The following OSBPL5 variants were observed in gnomAD, a reference collection of about 807,000 sequenced individuals.
OSBPL5 encodes oxysterol-binding protein-related protein 5.
OSBPL5 carries 71 observed loss-of-function variants against 111.2 expected under a neutral mutation model. The ratio of observed to expected loss-of-function variants is 0.64; its 90% confidence interval spans 0.53 to 0.78. The LOEUF is 0.78. OSBPL5 is among the 30% of genes least tolerant of loss of function. The pLI is 0.00. For synonymous variants in OSBPL5, 549 were observed against 513.9 expected (o/e 1.07, Z -0.93); for missense variants, 1,210 against 1,189.3 (o/e 1.02, Z -0.26).
chr11:3,103,052 A>C (rs905572581), intron 11 of OSBPL5, among the ~76,000 whole-genome samples, 187 bp downstream of exon 11: 1 of 152,114 alleles, frequency 6.6e-6, no homozygotes, highest in African/African-American at 2.4e-5. Flanking sequence ...CAGGGCCCCA[A>C]CTGTGGGAAG....
In OSBPL5 at chr11:3,088,289, TG is replaced by T; in HGVS notation, c.2555del (p.Pro852GlnfsTer40). 1 of 1,607,206 alleles carries T rather than the reference TG, an allele frequency of 6.2e-7. No homozygotes were observed. Among genetic ancestry groups the T allele is most frequent in the Non-Finnish European group, 8.5e-7 (1 of 1,177,240 alleles). On this transcript the variant is annotated frameshift_variant, in exon 22 of 22. Transcript: ENST00000263650. LOFTEE classifies it high-confidence loss of function. ...AGGATCGGGGGCTCTGCAGGAGGCC[TG>T]GGGTCGGTGCCTGTGCTGCCCGTGC... ...STARAAQAPT[P>X]GLLQSPRSWF... is the part of the protein sequence containing the mutation.
In OSBPL5 at chr11:3,106,894, C is replaced by G. The variant is rs546679264; in HGVS notation, c.1059+369G>C. On this transcript the variant is annotated intron_variant, in intron 9 of 21. Transcript: ENST00000263650. This position sits in a 1 kb window ranked among gnomAD's most constrained non-coding sequence, Gnocchi z 8.4. ...AGCATGGGACTCAGGTCCACACGCC[C>G]TCCTCTGCGCTCCTCCAGGAAGTGG... Among the ~76,000 whole-genome samples, 1 of 152,290 alleles carries G rather than the reference C, an allele frequency of 6.6e-6. No homozygotes were observed. Among genetic ancestry groups the G allele is most frequent in the African/African-American group, 2.4e-5 (1 of 41,558 alleles).
At chr11:3,129,911 G>A (rs866928880) in intron 1 of OSBPL5, among the ~76,000 whole-genome samples, 2 of 152,234 alleles carry the variant, frequency 1.3e-5, no homozygotes, top group African/African-American at 2.4e-5. Flanking sequence ...ACACCCACCT[G>A]CCTCGCTCTC....
At chr11:3,145,513 G>A (rs1283922152) in intron 1 of OSBPL5, among the ~76,000 whole-genome samples, 1 of 152,212 alleles carries the variant, frequency 6.6e-6, no homozygotes, top group African/African-American at 2.4e-5. Context: ...GCACTCACTT[G>A]CCTGCTGTCC....
At chr11:3,128,857 C>T (rs1858727104) in intron 2 of OSBPL5, among the ~76,000 whole-genome samples, 156 bp downstream of exon 2, 1 of 152,204 alleles carries the variant, frequency 6.6e-6, no homozygotes, top group Non-Finnish European at 1.5e-5. Flanking sequence ...TTACCTGGCA[C>T]TCTACCAAGC....
intron 7 of OSBPL5, 128 bp downstream of exon 7, chr11:3,119,419 G>C (rs1276376284): frequency 2.1e-6 from 2 of 938,074 alleles, no homozygotes; most frequent in East Asian, 3.0e-5. Context: ...ATCCTGGCCA[G>C]ACTTCAGGCT....
intron 10 of OSBPL5, 31 bp from the exon 11 acceptor site, chr11:3,103,351 G>T: frequency 6.4e-7 from 1 of 1,571,274 alleles, no homozygotes. Context: ...GCTGACCCCA[G>T]CTCCGGGGGC....
intron 1 of OSBPL5, among the ~76,000 whole-genome samples, chr11:3,133,807 G>A (rs1241449556): frequency 6.6e-6 from 1 of 152,222 alleles, no homozygotes; most frequent in Non-Finnish European, 1.5e-5. Context: ...CTCCCACGGT[G>A]AGACTGTCCC....
rs1438180400 is a variant in OSBPL5 at position 3,106,296 on chromosome 11, G to C, written c.1059+967C>G. ...AATTCCCCTTTCCTGCTGAAACCGGGACTGCCCCTTGCCCTCAGTGACAGC... is the reference window on the plus strand; with the variant it reads ...AATTCCCCTTTCCTGCTGAAACCGGCACTGCCCCTTGCCCTCAGTGACAGC... On this transcript the variant is annotated intron_variant, in intron 9 of 21. Coordinates refer to ENST00000263650, the MANE Select transcript of OSBPL5 (RefSeq NM_020896.4). This position sits in a 1 kb window ranked among gnomAD's most constrained non-coding sequence, Gnocchi z 8.4. Among the ~76,000 whole-genome samples, 1 of 152,130 alleles carries C rather than the reference G, an allele frequency of 6.6e-6. No homozygotes were observed. Among genetic ancestry groups the C allele is most frequent in the East Asian group, 1.9e-4 (1 of 5,178 alleles).
Position 3,092,404 on chromosome 11 carries a change from C to T in OSBPL5, c.2259+28G>A. The T allele has an allele frequency of 3.2e-6, 5 of 1,557,434 alleles. No homozygotes were observed. Among genetic ancestry groups the T allele is most frequent in the Non-Finnish European group, 3.5e-6 (4 of 1,148,574 alleles). The stretch of plus-strand genomic sequence containing the variant: ...TGGCCACACGTGCAGCTAAGACCAG[C>T]CCTGGGTGGGGCCTGTGGGGTGCTG... On this transcript the variant is annotated intron_variant, in intron 19 of 21. Transcript: ENST00000263650. The surrounding 1 kb of genome is among the most constrained non-coding windows in gnomAD (Gnocchi z 5.4).
In OSBPL5 at chr11:3,113,991, C is replaced by T. The variant is rs1208162622; in HGVS notation, c.691+5556G>A. ...GACAATTGCAGTTTTTATAAATAATCTAGGTAAATGATTAAAATAATTAGG... is the reference window on the plus strand; with the variant it reads ...GACAATTGCAGTTTTTATAAATAATTTAGGTAAATGATTAAAATAATTAGG... On this transcript the variant is annotated intron_variant, in intron 7 of 21. Transcript: ENST00000263650. This position sits in a 1 kb window ranked among gnomAD's most constrained non-coding sequence, Gnocchi z 4.8. Among the ~76,000 whole-genome samples the T allele has an allele frequency of 6.6e-6, 1 of 152,010 alleles. No homozygotes were observed. Among genetic ancestry groups the T allele is most frequent in the Non-Finnish European group, 1.5e-5 (1 of 68,006 alleles).
chr11:3,095,810 A>C (rs549174543), intron 14 of OSBPL5, among the ~76,000 whole-genome samples: 22 of 152,348 alleles, frequency 1.4e-4, no homozygotes, highest in African/African-American at 5.1e-4. Flanking sequence ...GATTAAGTGA[A>C]AGAGGATGGA....
chr11:3,117,128 G>A (rs1590673479), intron 7 of OSBPL5, among the ~76,000 whole-genome samples: 1 of 152,156 alleles, frequency 6.6e-6, no homozygotes, highest in East Asian at 1.9e-4. Context: ...ATTTGTAACA[G>A]GACACAATCG....
intron 21 of OSBPL5, among the ~76,000 whole-genome samples, chr11:3,089,447 C>A (rs1004246957): frequency 3.3e-5 from 5 of 152,182 alleles, no homozygotes; most frequent in African/African-American, 1.2e-4. Context: ...TTGCTCCTTC[C>A]CCAGCCATTC....
intron 1 of OSBPL5, among the ~76,000 whole-genome samples, chr11:3,159,833 C>G (rs1024240701): frequency 6.6e-6 from 1 of 152,112 alleles, no homozygotes; most frequent in African/African-American, 2.4e-5. Context: ...GCTCACCCAG[C>G]GCTTGTGTAC....
rs1391828466 is a variant in OSBPL5 at position 3,122,008 on chromosome 11, C to T, written c.391G>A (p.Asp131Asn). ...CGGGCATCACCTACCTTCAGGCTGTCAGCCATGATGACCACGCTGGGGTCT... is the reference window on the plus strand; with the variant it reads ...CGGGCATCACCTACCTTCAGGCTGTTAGCCATGATGACCACGCTGGGGTCT... ...LTDPSVVIMA[D>N]SLKIRGTLKS... Residue 131 changes from aspartate to asparagine, a missense_variant, in exon 5 of 22, where the codon GAC becomes AAC. By Grantham distance (23) the Asp-to-Asn change is conservative. Transcript: ENST00000263650. The T allele has an allele frequency of 1.7e-5, 27 of 1,569,654 alleles. No homozygotes were observed. The highest frequency in any genetic ancestry group is 2.2e-5 in the Non-Finnish European group (26 of 1,161,780).
rs1856904203 is a variant in OSBPL5 at position 3,087,290 on chromosome 11, A to G, written c.*915T>C. On this transcript the variant is annotated 3_prime_UTR_variant, in exon 22 of 22. Transcript: ENST00000263650. ...AGGCTCTGTACGTATATATATGTGT[A>G]GAGGCTCACACACGCGCACACGCAC... 6.5e-6 allele frequency: 1 copy of G among 153,738 alleles called. No homozygotes were observed. Among genetic ancestry groups the G allele is most frequent in the South Asian group, 2.0e-4 (1 of 4,894 alleles). 9.5% of individuals were successfully genotyped at this position (153,738 alleles called of 1,614,324 possible). A position where few individuals can be genotyped will look rare whatever the true frequency, so the allele number is the denominator to read the frequency against.
intron 7 of OSBPL5, among the ~76,000 whole-genome samples, chr11:3,108,357 C>G (rs992603057): frequency 6.6e-6 from 1 of 152,200 alleles, no homozygotes; most frequent in Non-Finnish European, 1.5e-5. Context: ...AGCCTCCCAC[C>G]CTGATGGCCA....
chr11:3,141,520 G>A lies in OSBPL5; in HGVS notation c.-21-12351C>T. Among the ~76,000 whole-genome samples the A allele has an allele frequency of 6.6e-6, 1 of 152,222 alleles. No individual in the cohort carries two copies. Among genetic ancestry groups the A allele is most frequent in the Non-Finnish European group, 1.5e-5 (1 of 68,038 alleles). On this transcript the variant is annotated intron_variant, in intron 1 of 21. Transcript: ENST00000263650. The surrounding 1 kb of genome is among the most constrained non-coding windows in gnomAD (Gnocchi z 6.5). ...CCCCCAATCTGTCTTCCGCTGTGGT[G>A]GAGAGCTTGCCAAAGTGTTCAGGAA... is the stretch of plus-strand genomic sequence containing the variant.
Sources: allele counts gnomAD v4.1 joint callset (sites outside exome capture counted in the v4.1 genomes callset), GRCh38; gene constraint gnomAD v4.1.1; non-coding constraint Gnocchi (gnomAD v3.1); transcripts MANE v1.5; gene names NCBI Gene and HGNC (gene_info 2026-07-23, HGNC 2026-07-21).